KIFC3: variants seen among roughly 807,000 people sequenced by gnomAD.
KIFC3 encodes the protein kinesin-like protein KIFC3.
A neutral mutation model predicts 101.8 loss-of-function variants in KIFC3; 60 were observed. The observed-to-expected ratio is 0.59, with a 90% CI of 0.48 to 0.73. The LOEUF (loss-of-function observed/expected upper bound fraction) is 0.73. KIFC3 is among the 30% of genes least tolerant of loss of function. The pLI is 0.00. For missense variants in KIFC3, 966 were observed against 1,137.1 expected (o/e 0.85, Z 2.16); for synonymous variants, 476 against 482.7 (o/e 0.99, Z 0.18).
intron 1 of KIFC3, among the ~76,000 whole-genome samples, chr16:57,852,648 G>T (rs185748736): frequency 1.5e-3 from 223 of 152,250 alleles, no homozygotes; most frequent in African/African-American, 5.0e-3. Flanking sequence ...GGATGGAAAT[G>T]AATGCAAATA....
chr16:57,850,636 C>T (rs1248694842), intron 1 of KIFC3, among the ~76,000 whole-genome samples: 2 of 151,446 alleles, frequency 1.3e-5, no homozygotes, highest in East Asian at 2.0e-4. Context: ...CCACCATGCC[C>T]GGCTAATTTT....
intron 1 of KIFC3, among the ~76,000 whole-genome samples, chr16:57,822,991 T>C (rs2967173): frequency 0.5 from 75,769 of 151,966 alleles, 20,208 homozygotes; most frequent in African/African-American, 0.68. Flanking sequence ...CCCCTCCTCT[T>C]GGCCAAGGGC....
intron 1 of KIFC3, among the ~76,000 whole-genome samples, chr16:57,855,761 C>T (rs2056152014): frequency 6.6e-6 from 1 of 151,904 alleles, no homozygotes; most frequent in Non-Finnish European, 1.5e-5. Context: ...GCCTGGCCAA[C>T]ATGGCAAAAC....
intron 1 of KIFC3, among the ~76,000 whole-genome samples, chr16:57,838,441 G>C (rs1242404603): frequency 6.6e-6 from 1 of 152,160 alleles, no homozygotes; most frequent in Non-Finnish European, 1.5e-5. Context: ...CCTAGTTACA[G>C]CCCAGCCTGC....
At chr16:57,842,187 G>A (rs1031719833) in intron 1 of KIFC3, among the ~76,000 whole-genome samples, 6 of 151,966 alleles carry the variant, frequency 3.9e-5, no homozygotes, top group African/African-American at 9.7e-5. Flanking sequence ...GCAACAGAGC[G>A]AGACTCCGTC....
intron 1 of KIFC3, among the ~76,000 whole-genome samples, chr16:57,827,531 A>T (rs578015704): frequency 6.6e-6 from 1 of 152,158 alleles, no homozygotes; most frequent in Non-Finnish European, 1.5e-5. Context: ...TGTCCCTCAG[A>T]GTTCCTGGAG....
At chr16:57,764,275 T>TGGGGGGGGGGGGGGGGGG in intron 11 of KIFC3, 28 bp from the exon 12 acceptor site, 9 of 539,884 alleles carry the variant, frequency 1.7e-5, no homozygotes, top group East Asian at 4.6e-5. Context: ...GGGAGGCTGG[T>TGGGGGGGGGGGGGGGGGG]GGGGGGGCTT....
chr16:57,772,236 A>G lies in KIFC3; in HGVS notation c.368T>C (p.Leu123Pro). 6.2e-7 allele frequency: 1 copy of G among 1,613,696 alleles called. No individual in the cohort carries two copies. Among genetic ancestry groups the G allele is most frequent in the Non-Finnish European group, 8.5e-7 (1 of 1,179,842 alleles). Residue 123 changes from leucine (L) to proline (P), a missense_variant, in exon 4 of 20, where the codon CTG becomes CCG. Leu to Pro is a moderately conservative substitution (Grantham distance 98, BLOSUM62 -3). Transcript: ENST00000445690. ...TTGTGGCCTCACCAGCTCAGATCGC[A>G]GTCGGCTCACTTCCTGGGCCTGGCT... ...LISQAQEVSR[L>P]RSELGGTDLE...
chr16:57,831,918 T>A (rs1361414092), intron 1 of KIFC3, among the ~76,000 whole-genome samples: 1 of 152,198 alleles, frequency 6.6e-6, no homozygotes, highest in African/African-American at 2.4e-5. Flanking sequence ...CCTCATGATT[T>A]CTTTGGGGGT....
chr16:57,804,932 GC>G (rs1555626622), upstream of KIFC3, among the ~76,000 whole-genome samples: 1 of 147,916 alleles, frequency 6.8e-6, no homozygotes, highest in Admixed American at 6.7e-5. Flanking sequence ...TGAGACGGGG[GC>G]TCGCTCTGTC....
At chr16:57,823,684 C>T (rs551851917) in intron 1 of KIFC3, among the ~76,000 whole-genome samples, 1 of 152,062 alleles carries the variant, frequency 6.6e-6, no homozygotes, top group Non-Finnish European at 1.5e-5. Context: ...CCTCCACCCC[C>T]CAGGTTCCAG....
At chr16:57,772,403 G>T in intron 3 of KIFC3, 115 bp from the exon 4 acceptor site, 1 of 789,070 alleles carries the variant, frequency 1.3e-6, no homozygotes, top group South Asian at 1.6e-5. Flanking sequence ...TTCTAAGGCT[G>T]TGGCCTTAGG....
intron 1 of KIFC3, chr16:57,810,607 A>C (rs1441823220): frequency 4.2e-5 from 41 of 970,710 alleles, no homozygotes; most frequent in Non-Finnish European, 4.7e-5. Flanking sequence ...GGGGAGGGAC[A>C]AACTTCCATC....
rs868956643 is a variant in KIFC3 at position 57,816,307 on chromosome 16, G to A, written c.109-18025C>T. ...GAAGCCTGAGGAAGTAAGGAAGTGC[G>A]GTGGGATCTGTCTTCCCGTGTGTCT... On this transcript the variant is annotated intron_variant, in intron 1 of 2. Transcript: ENST00000563028. The A allele has an allele frequency of 9.9e-6, 12 of 1,216,210 alleles. No individual in the cohort carries two copies. The East Asian group carries it at 1.7e-4, about 17-fold the overall frequency. The allele number at this position is 1,216,210 out of a possible 1,614,324, so 75.3% of individuals were successfully genotyped here. A position where few individuals can be genotyped will look rare whatever the true frequency, so the allele number is the denominator to read the frequency against.
At chr16:57,784,827 A>C (rs560128167) in intron 3 of KIFC3, among the ~76,000 whole-genome samples, 1 of 152,182 alleles carries the variant, frequency 6.6e-6, no homozygotes, top group Non-Finnish European at 1.5e-5. Context: ...AGTCACACAC[A>C]CAGAAGAGGG....
Position 57,802,225 on chromosome 16 carries a change from C to A in KIFC3, c.-40+145G>T, listed in dbSNP as rs1272272618. The A allele has an allele frequency of 6.6e-6, 2 of 301,214 alleles. No individual in the cohort carries two copies. Among genetic ancestry groups the A allele is most frequent in the Non-Finnish European group, 9.8e-6 (2 of 204,300 alleles). The allele number at this position is 301,214 out of a possible 1,614,324, so 18.7% of individuals were successfully genotyped here. A position where few individuals can be genotyped will look rare whatever the true frequency, so the allele number is the denominator to read the frequency against. On this transcript the variant is annotated intron_variant, in intron 1 of 19. Transcript: ENST00000445690. The surrounding 1 kb of genome is among the most constrained non-coding windows in gnomAD (Gnocchi z 5.0). ...GGGGACCTCGCAGGGCTGGGTCTCC[C>A]GGGCCTTTCCCTCCCCGCGCCCATA...
rs181171111 is a variant in KIFC3, at chr16:57,780,062, C to T, written c.316-7774G>A. The stretch of plus-strand genomic sequence containing the variant: ...CAAGAACTGCATGGAGGAAACCACC[C>T]CATGATCCGTTCACCTCTCACCAGG... On this transcript the variant is annotated intron_variant, in intron 3 of 19. Transcript: ENST00000445690. 2.6e-5 allele frequency: 4 copies of T among 152,264 alleles called. No individual in the cohort carries two copies. The East Asian group carries it at 7.7e-4, about 29-fold the overall frequency. The allele number at this position is 152,264 out of a possible 1,614,324, so 9.4% of individuals were successfully genotyped here. A position where few individuals can be genotyped will look rare whatever the true frequency, so the allele number is the denominator to read the frequency against.
chr16:57,760,849 AGCCGACAGC>A lies in KIFC3; in HGVS notation c.2100_2108del (p.Ser702_Leu704del). The A allele has an allele frequency of 1.9e-6, 3 of 1,613,120 alleles. No individual in the cohort carries two copies. Among genetic ancestry groups the A allele is most frequent in the Non-Finnish European group, 2.5e-6 (3 of 1,179,972 alleles). On this transcript the variant is annotated inframe_deletion, in exon 16 of 20. Coordinates refer to ENST00000445690, the MANE Select transcript of KIFC3 (RefSeq NM_001130100.2). ...GCAGGGCAGCAATGACGTCCCCCAGAGCCGACAGCGACTTGTTGATGTGCTGCGCCTCCC... is the reference window on the plus strand; with the variant it reads ...GCAGGGCAGCAATGACGTCCCCCAGAGACTTGTTGATGTGCTGCGCCTCCC...
chr16:57,854,600 C>G (rs184218523), intron 1 of KIFC3, among the ~76,000 whole-genome samples: 250 of 150,438 alleles, frequency 1.7e-3, no homozygotes, highest in African/African-American at 5.2e-3. Flanking sequence ...TCCACTCCAG[C>G]CTGGGTGACA....
Sources: gnomAD v4.1 joint callset for allele counts (sites outside exome capture counted in the v4.1 genomes callset) on GRCh38, gnomAD v4.1.1 for gene constraint, Gnocchi (gnomAD v3.1) non-coding constraint, MANE v1.5 for transcripts, NCBI Gene and HGNC (gene_info 2026-07-23, HGNC 2026-07-21) for gene names.